Variants in CAPS2 observed in about 807,000 individuals in gnomAD.
The protein encoded by CAPS2 is calcyphosine 2.
In CAPS2, 98 loss-of-function variants were observed where a neutral mutation model predicts 86.5. That is an observed-to-expected ratio of 1.13 (90% confidence interval 0.96 to 1.34). The LOEUF (loss-of-function observed/expected upper bound fraction) is 1.34. Ranked by LOEUF, CAPS2 falls within the 40% of genes most tolerant of loss-of-function variation. The probability of loss-of-function intolerance (pLI) is 0.00; values close to 1 mark genes in which losing one functional copy is unlikely to be tolerated. For missense variants in CAPS2, 729 were observed against 686.8 expected (o/e 1.06, Z -0.69); for synonymous variants, 210 against 225.1 (o/e 0.93, Z 0.60).
intron 5 of CAPS2, 73 bp from the exon 6 acceptor site, chr12:75,316,507 A>G (rs2039779516): frequency 3.8e-6 from 5 of 1,315,784 alleles, no homozygotes; most frequent in Admixed American, 2.8e-5. Context: ...ATATGGGAAT[A>G]GATAACTACG....
chr12:75,379,592 A>G (rs575061773), intron 1 of CAPS2, among the ~76,000 whole-genome samples: 20 of 152,222 alleles, frequency 1.3e-4, no homozygotes, highest in African/African-American at 4.8e-4. Flanking sequence ...GCTTTTTCAA[A>G]CTACTGAGAA....
intron 1 of CAPS2, chr12:75,366,960 G>A: frequency 8.6e-6 from 6 of 701,682 alleles, no homozygotes; most frequent in Non-Finnish European, 1.6e-5. Context: ...GTCACCCAAG[G>A]GGCAGCTTGC....
exon 12 of CAPS2, chr12:75,293,366 C>T (rs748342639): frequency 2.5e-6 from 4 of 1,596,016 alleles, no homozygotes; most frequent in East Asian, 2.2e-5. Context: ...CAAGGTTGCA[C>T]CCTAAACAAA....
intron 2 of CAPS2, among the ~76,000 whole-genome samples, chr12:75,323,866 T>C (rs2040531189): frequency 6.6e-6 from 1 of 152,242 alleles, no homozygotes; most frequent in Non-Finnish European, 1.5e-5. Flanking sequence ...GTCTCTATGG[T>C]AGTGTAATAG....
At chr12:75,309,079 G>T (rs753857632) in intron 7 of CAPS2, among the ~76,000 whole-genome samples, 18 of 151,982 alleles carry the variant, frequency 1.2e-4, no homozygotes, top group Non-Finnish European at 2.2e-4. Context: ...TGCATATCAC[G>T]CATGTACTTA....
At chr12:75,333,443 C>CAT (rs1260750646), upstream of CAPS2, among the ~76,000 whole-genome samples, 1 of 150,216 alleles carries the variant, frequency 6.7e-6, no homozygotes, top group African/African-American at 2.4e-5. Flanking sequence ...TACACACACA[C>CAT]ATATACACAC....
intron 6 of CAPS2, among the ~76,000 whole-genome samples, chr12:75,315,414 A>T (rs1449334780): frequency 6.6e-6 from 1 of 152,156 alleles, no homozygotes; most frequent in Non-Finnish European, 1.5e-5. Context: ...AATAGGCACC[A>T]AAAAAATAAT....
At chr12:75,307,232 T>A (rs1487807663) in intron 7 of CAPS2, among the ~76,000 whole-genome samples, 1 of 152,236 alleles carries the variant, frequency 6.6e-6, no homozygotes. Flanking sequence ...CTGTGAAGAT[T>A]AAATAAATTA....
chr12:75,338,288 G>A (rs2041868860), intron 1 of CAPS2, among the ~76,000 whole-genome samples: 1 of 152,064 alleles, frequency 6.6e-6, no homozygotes. Flanking sequence ...ATTAGGACTT[G>A]AAAATTAATC....
exon 17 of CAPS2, chr12:75,278,778 C>CT: frequency 7.5e-7 from 1 of 1,333,070 alleles, no homozygotes; most frequent in Non-Finnish European, 9.6e-7. Flanking sequence ...AAACAAGAAA[C>CT]CAGAATAAAG....
intron 5 of CAPS2, among the ~76,000 whole-genome samples, chr12:75,321,037 T>C (rs2040250637): frequency 6.6e-6 from 1 of 152,022 alleles, no homozygotes; most frequent in Non-Finnish European, 1.5e-5. Context: ...CACTTATCAA[T>C]TTTAAAATTT....
intron 1 of CAPS2, among the ~76,000 whole-genome samples, chr12:75,357,463 T>C (rs976338396): frequency 3.9e-5 from 6 of 152,016 alleles, no homozygotes; most frequent in Non-Finnish European, 7.4e-5. Context: ...AACAAGTAGA[T>C]AGAAAATAAG....
At chr12:75,321,361 T>C in intron 5 of CAPS2, 39 bp downstream of exon 5, 1 of 1,334,400 alleles carries the variant, frequency 7.5e-7, no homozygotes, top group Non-Finnish European at 1.0e-6. Flanking sequence ...GCAGTTTTCT[T>C]TAAATGTCAT....
exon 7 of CAPS2, chr12:75,312,905 G>T: frequency 6.2e-7 from 1 of 1,603,110 alleles, no homozygotes; most frequent in East Asian, 2.2e-5. Flanking sequence ...CTTCTCTGCA[G>T]CCACAATTTC....
upstream of CAPS2, among the ~76,000 whole-genome samples, chr12:75,327,902 C>T (rs551315539): frequency 6.7e-6 from 1 of 149,820 alleles, no homozygotes; most frequent in Admixed American, 6.7e-5. Context: ...TATTTCATGC[C>T]CAGTGAAAGA....
Position 75,284,949 on chromosome 12 carries a change from T to TTG in CAPS2, c.1515+11_1515+12insCA. On this transcript the variant is annotated intron_variant, in intron 15 of 16. Transcript: ENST00000393284. Reference sequence around the variant, plus strand: ...AAAAATAACAATTTGAAAGATTACTTAACAAAGTTACCTTTCGAACATATG... The same window carrying TTG: ...AAAAATAACAATTTGAAAGATTACTTTGAACAAAGTTACCTTTCGAACATATG... The TTG allele has an allele frequency of 2.5e-6, 4 of 1,591,350 alleles. No homozygotes were observed. Among genetic ancestry groups the TTG allele is most frequent in the Non-Finnish European group, 2.6e-6 (3 of 1,167,344 alleles).
intron 1 of CAPS2, among the ~76,000 whole-genome samples, chr12:75,339,748 T>TAA: frequency 6.6e-6 from 1 of 152,218 alleles, no homozygotes; most frequent in African/African-American, 2.4e-5. Flanking sequence ...TTAATCCATC[T>TAA]TGAGCTAATT....
upstream of CAPS2, chr12:75,326,512 T>C (rs1278832846): frequency 3.3e-6 from 5 of 1,504,718 alleles, no homozygotes; most frequent in Non-Finnish European, 4.5e-6. Flanking sequence ...AGTTCCTGTG[T>C]TTATCATGCA....
In CAPS2 at chr12:75,340,938, G is replaced by A. The variant is rs2042060277; in HGVS notation, c.-394-17716C>T. The stretch of plus-strand genomic sequence containing the variant: ...AAAATAATGACAATACCAAATACTG[G>A]TGAAGATATGGAGAAAATTGATCAG... On this transcript the variant is annotated intron_variant, in intron 1 of 5. Transcript: ENST00000551829. 3.3e-5 allele frequency among the ~76,000 whole-genome samples: 5 copies of A among 151,946 alleles called. No homozygotes were observed. The South Asian group carries it at 1.0e-3, about 32-fold the overall frequency.
Sources: allele counts gnomAD v4.1 joint callset (sites outside exome capture counted in the v4.1 genomes callset), GRCh38; gene constraint gnomAD v4.1.1; transcripts MANE v1.5; gene names NCBI Gene and HGNC (gene_info 2026-07-23, HGNC 2026-07-21).